Variants in RSPO2 observed in about 807,000 individuals in gnomAD.
RSPO2 encodes R-spondin 2, also known as R-spondin-2.
A neutral mutation model predicts 30.9 loss-of-function variants in RSPO2; 14 were observed. The observed-to-expected ratio is 0.45, with a 90% confidence interval of 0.30 to 0.71. The LOEUF (loss-of-function observed/expected upper bound fraction) is 0.71, where lower values mean the gene tolerates loss of function less well. Among genes scored for constraint, RSPO2 ranks in the 30% least tolerant of loss-of-function variants. The pLI is 0.08. For missense variants in RSPO2, 264 were observed against 301.9 expected (o/e 0.87, Z 0.93); for synonymous variants, 107 against 96.4 (o/e 1.11, Z -0.64).
At chr8:108,041,458 T>C (rs1811756622) in intron 2 of RSPO2, among the ~76,000 whole-genome samples, 1 of 151,890 alleles carries the variant, frequency 6.6e-6, no homozygotes, top group South Asian at 2.1e-4. Context: ...GAAGAGAAAT[T>C]GAGACCAACA....
chr8:108,064,938 C>A (rs1463454381), intron 2 of RSPO2, among the ~76,000 whole-genome samples: 1 of 152,006 alleles, frequency 6.6e-6, no homozygotes, highest in Non-Finnish European at 1.5e-5. Context: ...GCCGAACACC[C>A]CATGTTCTCA....
chr8:107,983,758 T>C (rs1814531070), intron 3 of RSPO2: 1 of 1,596,936 alleles, frequency 6.3e-7, no homozygotes, highest in Non-Finnish European at 8.5e-7. Flanking sequence ...GAAAAGGAGC[T>C]GGATGTAGAT....
intron 2 of RSPO2, among the ~76,000 whole-genome samples, chr8:108,064,479 T>A (rs1015335755): frequency 7.2e-5 from 11 of 152,106 alleles, no homozygotes; most frequent in African/African-American, 2.7e-4. Flanking sequence ...TGAGATACCA[T>A]CTCACACCAT....
intron 2 of RSPO2, among the ~76,000 whole-genome samples, chr8:108,026,470 T>C (rs1355588639): frequency 6.6e-6 from 1 of 152,196 alleles, no homozygotes; most frequent in Admixed American, 6.6e-5. Context: ...AGGTCCTTTT[T>C]GTTTTTAGGA....
intron 2 of RSPO2, among the ~76,000 whole-genome samples, chr8:108,076,928 TAGG>T (rs1813031842): frequency 6.6e-6 from 1 of 151,620 alleles, no homozygotes; most frequent in African/African-American, 2.4e-5. Flanking sequence ...GGACAGAAAA[TAGG>T]AGGTAAAACC....
intron 2 of RSPO2, among the ~76,000 whole-genome samples, chr8:108,059,253 G>T (rs1347877813): frequency 1.3e-5 from 2 of 151,822 alleles, no homozygotes; most frequent in African/African-American, 4.9e-5. Context: ...TGAAAAAAAT[G>T]CTCACCATCA....
chr8:107,926,405 A>G (rs13305532), intron 5 of RSPO2, among the ~76,000 whole-genome samples: 2 of 151,990 alleles, frequency 1.3e-5, no homozygotes, highest in Non-Finnish European at 2.9e-5. Context: ...CTTTAGTTTA[A>G]TTAGATCCCA....
intron 2 of RSPO2, among the ~76,000 whole-genome samples, chr8:107,994,201 G>A (rs1238957102): frequency 6.6e-6 from 1 of 151,992 alleles, no homozygotes; most frequent in Admixed American, 6.6e-5. Context: ...CCAAAACTAT[G>A]CATTTATCTA....
At chr8:108,042,478 C>G (rs1411498797) in intron 2 of RSPO2, among the ~76,000 whole-genome samples, 1 of 152,114 alleles carries the variant, frequency 6.6e-6, no homozygotes, top group African/African-American at 2.4e-5. Context: ...AGAAAAGAGT[C>G]ATGATTACCT....
intron 2 of RSPO2, among the ~76,000 whole-genome samples, chr8:107,992,374 G>A (rs138449245): frequency 0.03 from 4,510 of 152,194 alleles, 255 homozygotes; most frequent in African/African-American, 0.1. Flanking sequence ...TGGACACATA[G>A]AGGGAAACAA....
chr8:108,010,870 T>G (rs552257530), intron 2 of RSPO2, among the ~76,000 whole-genome samples: 2 of 152,100 alleles, frequency 1.3e-5, no homozygotes, highest in Non-Finnish European at 2.9e-5. Context: ...GAATTCATTT[T>G]CCATGACTAA....
At chr8:107,972,395 C>T (rs1814032149) in intron 3 of RSPO2, among the ~76,000 whole-genome samples, 1 of 152,146 alleles carries the variant, frequency 6.6e-6, no homozygotes, top group African/African-American at 2.4e-5. Context: ...ATCCACCCTC[C>T]TTGGCCTCCC....
chr8:108,009,608 T>C (rs1362921605), intron 2 of RSPO2, among the ~76,000 whole-genome samples: 2 of 152,214 alleles, frequency 1.3e-5, no homozygotes, highest in Non-Finnish European at 2.9e-5. Context: ...TAGCTTTTTC[T>C]TCATTCAAAT....
Position 107,901,114 on chromosome 8 carries a change from T to C in RSPO2, c.693A>G (p.Gln231=), listed in dbSNP as rs368494593. 7.4e-6 allele frequency: 12 copies of C among 1,614,076 alleles called. No individual in the cohort carries two copies. Among genetic ancestry groups the C allele is most frequent in the Non-Finnish European group, 9.3e-6 (11 of 1,180,032 alleles). The change falls in exon 6 of 6, where the codon CAA becomes CAG. Residue 231 remains glutamine, a synonymous_variant. Transcript: ENST00000276659. ...KRKLIERAQE[Q]HSVFLATDRA... is the part of the protein sequence containing the mutation. ...TGTCTGTAGCTAGGAAGACGCTGTGTTGCTCCTGGGCCCTTTCTATCAGCT... is the reference window on the plus strand; with the variant it reads ...TGTCTGTAGCTAGGAAGACGCTGTGCTGCTCCTGGGCCCTTTCTATCAGCT...
intron 2 of RSPO2, among the ~76,000 whole-genome samples, chr8:108,032,157 T>A (rs1811441967): frequency 1.3e-5 from 2 of 152,046 alleles, no homozygotes; most frequent in East Asian, 3.9e-4. Flanking sequence ...TTAAGATTTT[T>A]AAAAAAGAAA....
intron 2 of RSPO2, among the ~76,000 whole-genome samples, chr8:108,072,158 A>C (rs1812865808): frequency 6.6e-6 from 1 of 152,064 alleles, no homozygotes; most frequent in Non-Finnish European, 1.5e-5. Context: ...AGGGTAAAGT[A>C]AGTCTTCAAA....
Position 107,960,887 on chromosome 8 carries a change from T to C in RSPO2, c.284-70A>G, listed in dbSNP as rs890308909. The C allele has an allele frequency of 8.3e-6, 10 of 1,207,852 alleles. No homozygotes were observed. The African/African-American group carries it at 1.6e-4, about 19-fold the overall frequency. 74.8% of individuals were successfully genotyped at this position (1,207,852 alleles called of 1,614,324 possible). ...AATTTACTTGTTTTACAAATAAAAT[T>C]TTTGTAAACTCACAAGTTAGCCCAT... On this transcript the variant is annotated intron_variant, in intron 3 of 5. Transcript: ENST00000276659.
At chr8:108,034,305 T>C (rs980070866) in intron 2 of RSPO2, among the ~76,000 whole-genome samples, 5 of 152,176 alleles carry the variant, frequency 3.3e-5, no homozygotes, top group African/African-American at 1.2e-4. Flanking sequence ...AAATAAACTA[T>C]TTTAAACACA....
intron 2 of RSPO2, among the ~76,000 whole-genome samples, chr8:108,030,679 T>G (rs1811392288): frequency 6.6e-6 from 1 of 152,124 alleles, no homozygotes; most frequent in Non-Finnish European, 1.5e-5. Flanking sequence ...GATAAAGGTG[T>G]ATCCAAGCAT....
Sources: allele counts gnomAD v4.1 joint callset (sites outside exome capture counted in the v4.1 genomes callset), GRCh38; gene constraint gnomAD v4.1.1; transcripts MANE v1.5; gene names NCBI Gene and HGNC (gene_info 2026-07-23, HGNC 2026-07-21).